MKI67: variants seen among roughly 807,000 people sequenced by gnomAD.
MKI67 encodes the protein proliferation marker protein Ki-67.
Under a neutral mutation model 233.5 loss-of-function variants are expected in MKI67, and 152 were observed. The ratio of observed to expected loss-of-function variants is 0.65; its 90% confidence interval spans 0.57 to 0.74. The LOEUF (loss-of-function observed/expected upper bound fraction) is 0.74. Ranked by LOEUF, MKI67 falls within the 30% of genes least tolerant of loss-of-function variation. The pLI is 0.00. For synonymous variants in MKI67, 1,465 were observed against 1,418.5 expected, an observed-to-expected ratio of 1.03 and a Z score of -0.74; for missense variants, 3,940 against 3,885.2, an observed-to-expected ratio of 1.01 and a Z score of -0.37.
rs1451286553 is a variant in MKI67 at position 128,098,436 on chromosome 10, T to A, written c.*754A>T. The A allele has an allele frequency of 2.0e-5, 3 of 152,060 alleles. No homozygotes were observed. Among genetic ancestry groups the A allele is most frequent in the African/African-American group, 4.8e-5 (2 of 41,380 alleles). The allele number at this position is 152,060 out of a possible 1,614,324, so 9.4% of individuals were successfully genotyped here. A position where few individuals can be genotyped will look rare whatever the true frequency, so the allele number is the denominator to read the frequency against. ...AGGAAAGCTGGAGATTAGGAGCCAGTTTGAGGTCGTGATGGCCCACAGCCT... is the reference window on the plus strand; with the variant it reads ...AGGAAAGCTGGAGATTAGGAGCCAGATTGAGGTCGTGATGGCCCACAGCCT... On this transcript the variant is annotated 3_prime_UTR_variant, in exon 15 of 15. Transcript: ENST00000368654.
chr10:128,105,375 T>C lies in MKI67; in HGVS notation c.6465A>G (p.Lys2155=), dbSNP rs753748396. 1 of 1,614,150 alleles carries C rather than the reference T, an allele frequency of 6.2e-7. No individual in the cohort carries two copies. The highest frequency in any genetic ancestry group is 1.7e-5 in the Admixed American group (1 of 60,022). Reference sequence around the variant, plus strand: ...CAGTTTCCCTGAACACGTTGATGCCTTTATCCTCATCTCCTGGTACTTTGT... The same window carrying C: ...CAGTTTCCCTGAACACGTTGATGCCCTTATCCTCATCTCCTGGTACTTTGT... ...HTDKVPGDED[K]GINVFRETAK... is the part of the protein sequence containing the mutation. The change falls in exon 13 of 15, where the codon AAA becomes AAG. Residue 2155 remains lysine, a synonymous_variant. Transcript: ENST00000368654.
intron 7 of MKI67, among the ~76,000 whole-genome samples, chr10:128,113,955 G>A (rs1354242883): frequency 6.6e-6 from 1 of 152,132 alleles, no homozygotes; most frequent in Non-Finnish European, 1.5e-5. Flanking sequence ...TTGGGTCTCA[G>A]CCTGAGCCAC....
chr10:128,123,046 T>A, intron 3 of MKI67, 45 bp downstream of exon 3: 1 of 1,582,198 alleles, frequency 6.3e-7, no homozygotes, highest in Non-Finnish European at 8.7e-7. Context: ...AGATTAAAAG[T>A]GAACTAAAAA....
intron 4 of MKI67, among the ~76,000 whole-genome samples, chr10:128,121,734 C>G (rs994803535): frequency 3.3e-5 from 5 of 150,846 alleles, no homozygotes; most frequent in Non-Finnish European, 7.4e-5. Context: ...AGACATTAGT[C>G]AAATGTCCAT....
intron 5 of MKI67, 86 bp downstream of exon 5, chr10:128,119,167 A>C: frequency 9.9e-7 from 1 of 1,012,960 alleles, no homozygotes. Flanking sequence ...TTTGTAACTG[A>C]TTTCAAGTAA....
rs1266583624 is a variant in MKI67, at chr10:128,098,678, A to T, written c.*512T>A. On this transcript the variant is annotated 3_prime_UTR_variant, in exon 15 of 15. Transcript: ENST00000368654. ...ATAGGACTGTCCTGTGCAGATGTCC[A>T]ATAGCCTTAATTTGGGGACCAAATG... The T allele has an allele frequency of 6.5e-6, 1 of 152,684 alleles. No homozygotes were observed. The highest frequency in any genetic ancestry group is 2.4e-5 in the African/African-American group (1 of 41,472). 9.5% of individuals were successfully genotyped at this position (152,684 alleles called of 1,614,324 possible).
At position 128,106,310 on chromosome 10, in the gene MKI67, T is replaced by G; in HGVS notation, c.5530A>C (p.Thr1844Pro). The change falls in exon 13 of 15, where the codon ACT becomes CCT. Residue 1844 changes from threonine to proline, a missense_variant. Thr to Pro is a conservative substitution (Grantham distance 38). Transcript: ENST00000368654. ...GFRELFQTPC[T>P]DNPTTDEKTT... ...TTCTCATCAGTCGTGGGGTTATCAG[T>G]GCATGGTGTCTGGAAAAGCTCTCTG... 6.2e-7 allele frequency: 1 copy of G among 1,613,454 alleles called. No homozygotes were observed. The highest frequency in any genetic ancestry group is 8.5e-7 in the Non-Finnish European group (1 of 1,179,930).
chr10:128,109,404 A>C lies in MKI67; in HGVS notation c.2436T>G (p.Ser812Arg), dbSNP rs774580513. The stretch of plus-strand genomic sequence containing the variant: ...ATGGCTGTTTTGCTGCATTCTGTGC[A>C]CTGAAGAACACATTTCCTCCTGAAA... Reference protein sequence around the residue: ...SESFGGNVFFSAQNAAKQPSD... With the variant: ...SESFGGNVFFRAQNAAKQPSD... The change falls in exon 13 of 15, where the codon AGT becomes AGG. Residue 812 changes from serine (S) to arginine (R), a missense_variant. Transcript: ENST00000368654. 2.5e-6 allele frequency: 4 copies of C among 1,607,734 alleles called. No homozygotes were observed. The East Asian group carries it at 8.9e-5, about 36-fold the overall frequency.
In MKI67 at chr10:128,098,235, G is replaced by A. The variant is rs916191502; in HGVS notation, c.*955C>T. 2.0e-4 allele frequency: 30 copies of A among 152,498 alleles called. No homozygotes were observed. The highest frequency in any genetic ancestry group is 6.5e-4 in the African/African-American group (27 of 41,588). The allele number at this position is 152,498 out of a possible 1,614,324, so 9.4% of individuals were successfully genotyped here. A position where few individuals can be genotyped will look rare whatever the true frequency, so the allele number is the denominator to read the frequency against. ...AGATTTCGGAGGCAGCGGCTCACAA[G>A]GAAGCGATCCTGAAATCGTGGCTGA... On this transcript the variant is annotated 3_prime_UTR_variant, in exon 15 of 15. Coordinates refer to ENST00000368654, the MANE Select transcript of MKI67 (RefSeq NM_002417.5).
At position 128,105,859 on chromosome 10, in the gene MKI67, C is replaced by T; in HGVS notation, c.5981G>A (p.Ser1994Asn). The T allele has an allele frequency of 6.2e-7, 1 of 1,613,978 alleles. No homozygotes were observed. Among genetic ancestry groups the T allele is most frequent in the Non-Finnish European group, 8.5e-7 (1 of 1,179,988 alleles). Residue 1994 changes from serine (S) to asparagine (N), a missense_variant, in exon 13 of 15, where the codon AGC becomes AAC. Coordinates refer to ENST00000368654, the MANE Select transcript of MKI67 (RefSeq NM_002417.5). Reference protein sequence around the residue: ...PQPDPVKTPTSSKQRLKISLG... With the variant: ...PQPDPVKTPTNSKQRLKISLG... ...GGATATCTTGAGTCGTTGCTTGGAG[C>T]TTGTTGGGGTTTTGACTGGGTCTGG... is the stretch of plus-strand genomic sequence containing the variant.
rs1033293995 is a variant in MKI67, at chr10:128,122,887, G to C, written c.281C>G (p.Ser94Cys). 7.8e-6 allele frequency: 12 copies of C among 1,539,378 alleles called. No individual in the cohort carries two copies. The highest frequency in any genetic ancestry group is 9.8e-6 in the Non-Finnish European group (11 of 1,125,840). Reference protein sequence around the residue: ...HGDVITIIDRSFRYENESLQN... With the variant: ...HGDVITIIDRCFRYENESLQN... The stretch of plus-strand genomic sequence containing the variant: ...CCAATCAGCTTTTACCTACCTGAAG[G>C]AACGATCAATAATAGTTATTACATC... Residue 94 changes from serine to cysteine, a missense_variant, in exon 4 of 15, where the codon TCC (serine) becomes TGC (cysteine). Physicochemically the swap from Ser to Cys is moderately radical, Grantham distance 112. Coordinates refer to ENST00000368654, the MANE Select transcript of MKI67 (RefSeq NM_002417.5).
At position 128,106,669 on chromosome 10, in the gene MKI67, T is replaced by C; in HGVS notation, c.5171A>G (p.Lys1724Arg). ...IELFQTPSHTKESMTNEKTTK... is the reference protein window; with the variant it reads ...IELFQTPSHTRESMTNEKTTK... Reference sequence around the variant, plus strand: ...AGTTTTTTCGTTAGTCATTGATTCCTTAGTGTGACTTGGTGTCTGGAAGAG... The same window carrying C: ...AGTTTTTTCGTTAGTCATTGATTCCCTAGTGTGACTTGGTGTCTGGAAGAG... Residue 1724 changes from lysine (K) to arginine (R), a missense_variant, in exon 13 of 15, where the codon AAG becomes AGG. Physicochemically the swap from Lys to Arg is conservative, Grantham distance 26 (BLOSUM62 2). Coordinates refer to ENST00000368654, the MANE Select transcript of MKI67 (RefSeq NM_002417.5). The C allele has an allele frequency of 1.2e-6, 2 of 1,614,226 alleles. No individual in the cohort carries two copies. Among genetic ancestry groups the C allele is most frequent in the Non-Finnish European group, 1.7e-6 (2 of 1,180,042 alleles).
At position 128,105,670 on chromosome 10, in the gene MKI67, G is replaced by C. The variant is rs930525373; in HGVS notation, c.6170C>G (p.Thr2057Ser). The C allele has an allele frequency of 6.8e-6, 11 of 1,613,818 alleles. No individual in the cohort carries two copies. The highest frequency in any genetic ancestry group is 9.3e-6 in the Non-Finnish European group (11 of 1,179,962). Residue 2057 changes from threonine to serine, a missense_variant, in exon 13 of 15, where the codon ACT (threonine) becomes AGT (serine). Physicochemically the swap from Thr to Ser is moderately conservative, Grantham distance 58. Coordinates refer to ENST00000368654, the MANE Select transcript of MKI67 (RefSeq NM_002417.5). The stretch of plus-strand genomic sequence containing the variant: ...TGTTCTTGGCCACCTCTCCATCCCA[G>C]TTCCATAGTTTGCTGGGTCCAGCAT... The part of the protein sequence containing the change: ...KQMLDPANYG[T>S]GMERWPRTPK...
chr10:128,125,672 T>C lies in MKI67; in HGVS notation c.-5A>G. The C allele has an allele frequency of 6.2e-7, 1 of 1,613,190 alleles. No individual in the cohort carries two copies. Among genetic ancestry groups the C allele is most frequent in the Non-Finnish European group, 8.5e-7 (1 of 1,179,166 alleles). On this transcript the variant is annotated 5_prime_UTR_variant, in exon 2 of 15. Coordinates refer to ENST00000368654, the MANE Select transcript of MKI67 (RefSeq NM_002417.5). The surrounding 1 kb of genome is among the most constrained non-coding windows in gnomAD (Gnocchi z 5.3). ...CAGGCGTCTCGTGGGCCACATTTTCTAAACAGTAAGTTGAGTATAATCCGT... is the reference window on the plus strand; with the variant it reads ...CAGGCGTCTCGTGGGCCACATTTTCCAAACAGTAAGTTGAGTATAATCCGT...
chr10:128,113,680 A>T (rs1468593985), intron 7 of MKI67, 78 bp from the exon 8 acceptor site: 1 of 1,354,252 alleles, frequency 7.4e-7, no homozygotes, highest in African/African-American at 1.5e-5. Flanking sequence ...CGTTAGCATT[A>T]AAGACAAACC....
chr10:128,123,529 T>C (rs1389963295), intron 2 of MKI67, among the ~76,000 whole-genome samples: 1 of 152,218 alleles, frequency 6.6e-6, no homozygotes, highest in Non-Finnish European at 1.5e-5. Context: ...AAAACGTTTG[T>C]TTGTAATGTT....
Position 128,125,707 on chromosome 10 carries a change from C to T in MKI67, c.-40G>A, listed in dbSNP as rs749883379. The T allele has an allele frequency of 3.9e-6, 6 of 1,545,728 alleles. No homozygotes were observed. Among genetic ancestry groups the T allele is most frequent in the Non-Finnish European group, 5.4e-6 (6 of 1,119,280 alleles). On this transcript the variant is annotated 5_prime_UTR_variant, in exon 2 of 15. Transcript: ENST00000368654. This position sits in a 1 kb window ranked among gnomAD's most constrained non-coding sequence, Gnocchi z 5.3. ...GTTGAGTATAATCCGTAGGGGAAGG[C>T]CAGGTATAATCCGTAGGGGAAGGCC...
rs1213224292 is a variant in MKI67 at position 128,102,879 on chromosome 10, G to C, written c.8961C>G (p.Ser2987Arg). The C allele has an allele frequency of 6.2e-7, 1 of 1,614,180 alleles. No individual in the cohort carries two copies. The change falls in exon 13 of 15, where the codon AGC becomes AGG. Residue 2987 changes from serine to arginine, a missense_variant. Coordinates refer to ENST00000368654, the MANE Select transcript of MKI67 (RefSeq NM_002417.5). The stretch of plus-strand genomic sequence containing the variant: ...AGGGCAGTGGGGGCAGGGAAGTGTT[G>C]CTTTTGCTTTGTGATTTTACAGGGT... ...TRDPVKSQSK[S>R]NTSLPPLPFK...
In MKI67 at chr10:128,104,154, G is replaced by A. The variant is rs1319085769; in HGVS notation, c.7686C>T (p.Phe2562=). ...GACCTGGTGCTGAGAAGAGCTCTTT[G>A]AAGTCAACCAGGTCTTCTAGAGCAC... ...KARALEDLVD[F]KELFSAPGHT... The change falls in exon 13 of 15, where the codon TTC becomes TTT. Residue 2562 remains phenylalanine (F), a synonymous_variant. Coordinates refer to ENST00000368654, the MANE Select transcript of MKI67 (RefSeq NM_002417.5). 1.9e-6 allele frequency: 3 copies of A among 1,613,944 alleles called. No homozygotes were observed. Among genetic ancestry groups the A allele is most frequent in the East Asian group, 2.2e-5 (1 of 44,884 alleles).
Sources: gnomAD v4.1 joint callset for allele counts (sites outside exome capture counted in the v4.1 genomes callset) on GRCh38, gnomAD v4.1.1 for gene constraint, Gnocchi (gnomAD v3.1) non-coding constraint, MANE v1.5 for transcripts, NCBI Gene and HGNC (gene_info 2026-07-23, HGNC 2026-07-21) for gene names.